The following ADGRA3 variants were observed in gnomAD, a reference collection of about 807,000 sequenced individuals.
ADGRA3 encodes G-protein coupled receptor 125.
Under a neutral mutation model 119.8 loss-of-function variants are expected in ADGRA3, and 56 were observed. The observed-to-expected ratio is 0.47, with a 90% CI of 0.38 to 0.58. The LOEUF (loss-of-function observed/expected upper bound fraction) is 0.58, where lower values mean the gene tolerates loss of function less well. Among genes scored for constraint, ADGRA3 ranks in the 20% least tolerant of loss-of-function variants. The pLI is 0.00. For missense variants in ADGRA3, 1,516 were observed against 1,649.0 expected (o/e 0.92, Z 1.40); for synonymous variants, 607 against 623.8 (o/e 0.97, Z 0.40).
intron 12 of ADGRA3, chr4:22,414,415 A>T: frequency 2.1e-6 from 1 of 467,266 alleles, no homozygotes; most frequent in African/African-American, 2.0e-5. Context: ...CTGATCACTG[A>T]ATTTTTTCAG....
chr4:22,470,508 G>C (rs1463010807), intron 2 of ADGRA3, among the ~76,000 whole-genome samples: 1 of 152,038 alleles, frequency 6.6e-6, no homozygotes, highest in Non-Finnish European at 1.5e-5. Flanking sequence ...CCTTTATTCT[G>C]TATGACTTGG....
chr4:22,444,834 ATAT>A, intron 6 of ADGRA3, 136 bp downstream of exon 6: 1 of 831,152 alleles, frequency 1.2e-6, no homozygotes, highest in South Asian at 1.9e-5. Context: ...CATAAACTAA[ATAT>A]TATCAAATCC....
At chr4:22,479,254 G>A (rs1457815105) in intron 1 of ADGRA3, among the ~76,000 whole-genome samples, 9 of 152,094 alleles carry the variant, frequency 5.9e-5, no homozygotes, top group Non-Finnish European at 1.5e-5. Context: ...ATGAGGTCAG[G>A]AGATGAAGAC....
chr4:22,423,334 T>C (rs1715792703), intron 11 of ADGRA3, among the ~76,000 whole-genome samples: 3 of 151,810 alleles, frequency 2.0e-5, no homozygotes, highest in Non-Finnish European at 2.9e-5. Flanking sequence ...CAATAAAACA[T>C]GGTAACATCT....
At chr4:22,474,888 TGAGACAA>T (rs1251180041) in intron 1 of ADGRA3, among the ~76,000 whole-genome samples, 1 of 152,208 alleles carries the variant, frequency 6.6e-6, no homozygotes, top group Non-Finnish European at 1.5e-5. Context: ...TAGTGTTTTT[TGAGACAA>T]TGCAACACAG....
intron 2 of ADGRA3, among the ~76,000 whole-genome samples, chr4:22,462,415 G>A (rs1300549531): frequency 6.6e-6 from 1 of 152,132 alleles, no homozygotes; most frequent in Non-Finnish European, 1.5e-5. Context: ...CCAGGCTCAA[G>A]CAATTCTCGT....
intron 16 of ADGRA3, among the ~76,000 whole-genome samples, chr4:22,396,109 T>C (rs1447931463): frequency 1.3e-5 from 2 of 152,192 alleles, no homozygotes; most frequent in African/African-American, 4.8e-5. Context: ...CAGTGTATCA[T>C]GAACCAGAAC....
intron 17 of ADGRA3, among the ~76,000 whole-genome samples, chr4:22,392,282 A>G (rs1714163962): frequency 6.6e-6 from 1 of 152,174 alleles, no homozygotes; most frequent in African/African-American, 2.4e-5. Context: ...TGCTTTGCCC[A>G]TTTACTCATT....
chr4:22,410,716 T>C (rs902416317), intron 14 of ADGRA3, among the ~76,000 whole-genome samples: 3 of 152,184 alleles, frequency 2.0e-5, no homozygotes, highest in Non-Finnish European at 2.9e-5. Flanking sequence ...AACATAACTT[T>C]ACCTAAAAGT....
chr4:22,419,590 G>A (rs1222765799), intron 12 of ADGRA3, among the ~76,000 whole-genome samples: 1 of 152,138 alleles, frequency 6.6e-6, no homozygotes, highest in Non-Finnish European at 1.5e-5. Flanking sequence ...GGTAGGTTGT[G>A]AAATTGATGA....
At chr4:22,441,465 C>T (rs955042865) in intron 7 of ADGRA3, among the ~76,000 whole-genome samples, 2 of 152,058 alleles carry the variant, frequency 1.3e-5, no homozygotes, top group African/African-American at 2.4e-5. Context: ...TTGCTGGCTA[C>T]GAAGCAATAT....
chr4:22,429,380 A>G (rs1193969924), intron 10 of ADGRA3, among the ~76,000 whole-genome samples: 1 of 152,190 alleles, frequency 6.6e-6, no homozygotes, highest in Non-Finnish European at 1.5e-5. Flanking sequence ...AGGAAAATAG[A>G]TCCTCCTCCA....
At position 22,438,283 on chromosome 4, in the gene ADGRA3, C is replaced by G; in HGVS notation, c.1058G>C (p.Arg353Thr). 1 of 1,611,566 alleles carries G rather than the reference C, an allele frequency of 6.2e-7. No homozygotes were observed. Among genetic ancestry groups the G allele is most frequent in the South Asian group, 1.1e-5 (1 of 90,914 alleles). ...GAAGTCACCTTTGTTGTTTACCACC[C>G]TCTCTGGAGGACAGTACTGTGCAGA... ...ESSAQYCPPERVVNNKGDFRW... is the reference protein window; with the variant it reads ...ESSAQYCPPETVVNNKGDFRW... Residue 353 changes from arginine to threonine, a missense_variant, in exon 8 of 19, where the codon AGG becomes ACG. Physicochemically the swap from Arg to Thr is moderately conservative, Grantham distance 71. This residue lies in a region of ADGRA3 where 428 missense variants were observed against 541.9 expected (regional missense o/e 0.79). Coordinates refer to ENST00000334304, the MANE Select transcript of ADGRA3 (RefSeq NM_145290.4).
chr4:22,456,460 C>T (rs1012509107), intron 3 of ADGRA3, among the ~76,000 whole-genome samples: 1 of 152,192 alleles, frequency 6.6e-6, no homozygotes, highest in Non-Finnish European at 1.5e-5. Flanking sequence ...TCCCCTTCCA[C>T]AGCAGGATGT....
At chr4:22,423,179 A>G (rs1295074847) in intron 11 of ADGRA3, among the ~76,000 whole-genome samples, 1 of 152,042 alleles carries the variant, frequency 6.6e-6, no homozygotes, top group Non-Finnish European at 1.5e-5. Context: ...CGGGTGACAG[A>G]GCAAAACTCC....
Position 22,387,931 on chromosome 4 carries a change from G to C in ADGRA3, c.3740C>G (p.Pro1247Arg). ...QDSSDACSTL[P>R]KSSRNFEKPV... Reference sequence around the variant, plus strand: ...CTTTTCAAAATTTCTGCTACTTTTGGGAAGTGTGCTACAAGCATCGCTGCT... The same window carrying C: ...CTTTTCAAAATTTCTGCTACTTTTGCGAAGTGTGCTACAAGCATCGCTGCT... Residue 1247 changes from proline to arginine, a missense_variant, in exon 19 of 19, where the codon CCC (proline) becomes CGC (arginine). By Grantham distance (103) the Pro-to-Arg change is moderately radical. This residue lies in a region of ADGRA3 where 1,088 missense variants were observed against 1,107.1 expected (regional missense o/e 0.98). Transcript: ENST00000334304. 5 of 1,614,122 alleles carry C rather than the reference G, an allele frequency of 3.1e-6. No homozygotes were observed. The highest frequency in any genetic ancestry group is 4.2e-6 in the Non-Finnish European group (5 of 1,180,004).
rs762913158 is a variant in ADGRA3, at chr4:22,388,623, A to G, written c.3048T>C (p.Ala1016=). Residue 1016 remains alanine (A), a synonymous_variant, in exon 19 of 19, where the codon GCT becomes GCC. Transcript: ENST00000334304. ...AGTCCAAAGGGTAATACAAAGAAACAGCCAAAGCCCCAAACATCCACAGTG... is the reference window on the plus strand; with the variant it reads ...AGTCCAAAGGGTAATACAAAGAAACGGCCAAAGCCCCAAACATCCACAGTG... ...YVALWMFGAL[A]VSLYYPLDLV... is the part of the protein sequence containing the mutation. 20 of 1,614,014 alleles carry G rather than the reference A, an allele frequency of 1.2e-5. No individual in the cohort carries two copies. Among genetic ancestry groups the G allele is most frequent in the African/African-American group, 6.7e-5 (5 of 74,928 alleles).
Position 22,390,341 on chromosome 4 carries a change from ATACATATTATATATATAT to A in ADGRA3, c.2628-1176_2628-1159del, listed in dbSNP as rs1484276245. Among the ~76,000 whole-genome samples, 32 of 95,780 alleles carry A rather than the reference ATACATATTATATATATAT, an allele frequency of 3.3e-4. 2 individuals are homozygous for A. Among genetic ancestry groups the A allele is most frequent in the African/African-American group, 1.9e-3 (31 of 16,698 alleles). 62.8% of individuals were successfully genotyped at this position (95,780 alleles called of 152,430 possible). Reference sequence around the variant, plus strand: ...CTGCTTATATATATATATATATAAAATACATATTATATATATATAATACGTATTATATATATATAATAC... The same window carrying A: ...CTGCTTATATATATATATATATAAAAAATACGTATTATATATATATAATAC... On this transcript the variant is annotated intron_variant, in intron 17 of 18. Transcript: ENST00000334304.
intron 16 of ADGRA3, chr4:22,394,674 C>G (rs1263682200): frequency 6.6e-6 from 1 of 152,108 alleles, no homozygotes; most frequent in Non-Finnish European, 1.5e-5. Flanking sequence ...CTCTAAAATA[C>G]AAAAGTAAAA....
Sources: allele counts gnomAD v4.1 joint callset (sites outside exome capture counted in the v4.1 genomes callset), GRCh38; gene constraint gnomAD v4.1.1; regional missense constraint gnomAD v4.1.1; transcripts MANE v1.5; gene names NCBI Gene and HGNC (gene_info 2026-07-23, HGNC 2026-07-21).